Variants in CHN1 observed in about 807,000 individuals in gnomAD.
CHN1 encodes the protein chimerin 1.
Under a neutral mutation model 59.5 loss-of-function variants are expected in CHN1, and 37 were observed. The observed-to-expected ratio is 0.62, with a 90% confidence interval of 0.48 to 0.82. The LOEUF is 0.82. Ranked by LOEUF, CHN1 falls within the 40% of genes least tolerant of loss-of-function variation. The pLI is 0.00. For synonymous variants in CHN1, 206 were observed against 200.4 expected (o/e 1.03, Z -0.24); for missense variants, 469 against 571.0 (o/e 0.82, Z 1.82).
At chr2:174,840,850 A>G (rs1042458581) in intron 7 of CHN1, among the ~76,000 whole-genome samples, 2 of 152,204 alleles carry the variant, frequency 1.3e-5, no homozygotes, top group Non-Finnish European at 1.5e-5. Flanking sequence ...GAAAGGAATG[A>G]GGAAGACAAA....
rs919301187 is a variant in CHN1 at position 174,943,078 on chromosome 2, A to C, written c.114+1810T>G. ...AAAAAAATAAAAAGTTAAGTAAATAAGTAAATAAATAAATAAAAGCTATTT... is the reference window on the plus strand; with the variant it reads ...AAAAAAATAAAAAGTTAAGTAAATACGTAAATAAATAAATAAAAGCTATTT... On this transcript the variant is annotated intron_variant, in intron 3 of 12. Coordinates refer to ENST00000409900, the MANE Select transcript of CHN1 (RefSeq NM_001822.7). 5.9e-5 allele frequency among the ~76,000 whole-genome samples: 9 copies of C among 152,118 alleles called. No homozygotes were observed. The East Asian group carries it at 1.3e-3, about 23-fold the overall frequency.
chr2:174,955,638 A>C, intron 1 of CHN1, among the ~76,000 whole-genome samples: 1 of 152,278 alleles, frequency 6.6e-6, no homozygotes. Flanking sequence ...ATAAATAAAT[A>C]AATTGAAAAA....
chr2:174,915,264 T>G (rs1688814000), intron 4 of CHN1, 93 bp from the exon 5 acceptor site: 6 of 956,484 alleles, frequency 6.3e-6, no homozygotes, highest in Non-Finnish European at 9.7e-6. Context: ...CTTCTCTTGT[T>G]GTTTTCAAGA....
intron 1 of CHN1, among the ~76,000 whole-genome samples, chr2:174,954,116 T>A (rs1367938520): frequency 6.6e-6 from 1 of 152,118 alleles, no homozygotes. Context: ...TGAAACAGAA[T>A]AGAGAATCCA....
chr2:174,826,751 G>A (rs1685693738), intron 7 of CHN1, among the ~76,000 whole-genome samples: 1 of 152,144 alleles, frequency 6.6e-6, no homozygotes, highest in Non-Finnish European at 1.5e-5. Context: ...AAAAGCCTGG[G>A]ATATTTCTTT....
intron 1 of CHN1, among the ~76,000 whole-genome samples, chr2:174,994,370 T>C (rs1426483446): frequency 1.3e-5 from 2 of 152,218 alleles, no homozygotes; most frequent in Non-Finnish European, 2.9e-5. Context: ...AGGGAGTCCA[T>C]GTCATATGGA....
At chr2:174,898,070 C>A (rs1454144430) in intron 5 of CHN1, among the ~76,000 whole-genome samples, 1 of 152,112 alleles carries the variant, frequency 6.6e-6, no homozygotes, top group African/African-American at 2.4e-5. Context: ...GTAGGAGTGA[C>A]AAATGAGAAT....
At position 175,005,165 on chromosome 2, in the gene CHN1, C is replaced by T. The variant is rs1258571541; in HGVS notation, c.-253G>A. The T allele has an allele frequency of 7.8e-7, 1 of 1,281,872 alleles. No homozygotes were observed. Among genetic ancestry groups the T allele is most frequent in the South Asian group, 1.9e-5 (1 of 52,244 alleles). The allele number at this position is 1,281,872 out of a possible 1,614,324, so 79.4% of individuals were successfully genotyped here. A position where few individuals can be genotyped will look rare whatever the true frequency, so the allele number is the denominator to read the frequency against. On this transcript the variant is annotated 5_prime_UTR_variant, in exon 1 of 13. Coordinates refer to ENST00000409900, the MANE Select transcript of CHN1 (RefSeq NM_001822.7). ...TAGCTCTCCGCGAGCCGGCACTTGT[C>T]GCTGCCATCAGGCGCGGAGCGTGCG... is the stretch of plus-strand genomic sequence containing the variant.
At chr2:174,960,787 A>C (rs1347171066) in intron 1 of CHN1, among the ~76,000 whole-genome samples, 1 of 151,444 alleles carries the variant, frequency 6.6e-6, no homozygotes, top group African/African-American at 2.4e-5. Context: ...ATGCCACTGT[A>C]CTCTGACCTG....
chr2:174,912,662 A>C (rs2105368072), intron 5 of CHN1, among the ~76,000 whole-genome samples: 1 of 152,338 alleles, frequency 6.6e-6, no homozygotes, highest in South Asian at 2.1e-4. Context: ...CACCAGTTGA[A>C]ATGGGAGTAT....
chr2:174,799,847 T>G lies in CHN1; in HGVS notation c.*269A>C. On this transcript the variant is annotated 3_prime_UTR_variant, in exon 13 of 13. Coordinates refer to ENST00000409900, the MANE Select transcript of CHN1 (RefSeq NM_001822.7). ...TTTGTTGTTTCTTCTGTATGGGGTT[T>G]CCTTGCCAGATAGGGGGCTAATCAT... 1.7e-6 allele frequency: 1 copy of G among 577,424 alleles called. No individual in the cohort carries two copies. The highest frequency in any genetic ancestry group is 1.8e-5 in the African/African-American group (1 of 55,232). 35.8% of individuals were successfully genotyped at this position (577,424 alleles called of 1,614,324 possible).
chr2:174,800,624 A>C (rs1010380644), intron 12 of CHN1, among the ~76,000 whole-genome samples: 5 of 152,172 alleles, frequency 3.3e-5, no homozygotes, highest in Non-Finnish European at 7.3e-5. Flanking sequence ...GAACTGGGTC[A>C]CCTTGATTTA....
chr2:174,867,383 A>T (rs1220225051), intron 6 of CHN1, among the ~76,000 whole-genome samples: 1 of 151,988 alleles, frequency 6.6e-6, no homozygotes, highest in Non-Finnish European at 1.5e-5. Flanking sequence ...TGTCTCAAAA[A>T]AAAAAAAAGA....
At chr2:174,822,716 A>G (rs1685543028) in intron 8 of CHN1, among the ~76,000 whole-genome samples, 1 of 152,182 alleles carries the variant, frequency 6.6e-6, no homozygotes, top group Non-Finnish European at 1.5e-5. Context: ...ACACTGCCTC[A>G]ATACCTCCAC....
At chr2:174,819,068 G>A (rs1685385162) in intron 8 of CHN1, among the ~76,000 whole-genome samples, 1 of 152,068 alleles carries the variant, frequency 6.6e-6, no homozygotes, top group South Asian at 2.1e-4. Flanking sequence ...TGCATCAGAA[G>A]TAATTATTTT....
intron 10 of CHN1, among the ~76,000 whole-genome samples, chr2:174,809,560 T>G (rs1685009177): frequency 6.6e-6 from 1 of 152,264 alleles, no homozygotes; most frequent in Non-Finnish European, 1.5e-5. Context: ...GGGCTTACTA[T>G]GTACGTTGTT....
In CHN1 at chr2:174,846,961, C is replaced by T. The variant is rs972339540; in HGVS notation, c.550-4G>A. 1.3e-5 allele frequency: 20 copies of T among 1,553,438 alleles called. No homozygotes were observed. Among genetic ancestry groups the T allele is most frequent in the Middle Eastern group, 1.7e-4 (1 of 6,020 alleles). The stretch of plus-strand genomic sequence containing the variant: ...CTCTTCTAACAAGTGATGTCAACTG[C>T]GAATAAGCAAAGAGTTTCAGAGGTT... On this transcript the variant is annotated splice_region_variant and splice_polypyrimidine_tract_variant and intron_variant, in intron 6 of 12. Coordinates refer to ENST00000409900, the MANE Select transcript of CHN1 (RefSeq NM_001822.7).
intron 3 of CHN1, among the ~76,000 whole-genome samples, chr2:174,923,178 T>G (rs1428620282): frequency 6.6e-6 from 1 of 152,122 alleles, no homozygotes; most frequent in African/African-American, 2.4e-5. Flanking sequence ...TCTCGCTCTG[T>G]CACCCAAGCT....
At chr2:174,899,275 T>G (rs888764404) in intron 5 of CHN1, among the ~76,000 whole-genome samples, 1 of 152,168 alleles carries the variant, frequency 6.6e-6, no homozygotes, top group Non-Finnish European at 1.5e-5. Flanking sequence ...AGTTTAAAAA[T>G]CAGCAATAAA....
Sources: allele counts gnomAD v4.1 joint callset (sites outside exome capture counted in the v4.1 genomes callset), GRCh38; gene constraint gnomAD v4.1.1; transcripts MANE v1.5; gene names NCBI Gene and HGNC (gene_info 2026-07-23, HGNC 2026-07-21).